The following ERC2 variants were observed in gnomAD, a reference collection of about 807,000 sequenced individuals.
ERC2 encodes the protein ELKS/RAB6-interacting/CAST family member 2.
Under a neutral mutation model 114.8 loss-of-function variants are expected in ERC2, and 42 were observed. That is an observed-to-expected ratio of 0.37 (90% CI 0.29 to 0.47). The LOEUF is 0.47. ERC2 is among the 20% of genes least tolerant of loss of function. ERC2 has a pLI of 0.99. For synonymous variants in ERC2, 454 were observed against 425.5 expected, an observed-to-expected ratio of 1.07 and a Z score of -0.82; for missense variants, 939 against 1,150.7, an observed-to-expected ratio of 0.82 and a Z score of 2.66.
At chr3:56,232,337 A>C (rs901828106) in intron 3 of ERC2, among the ~76,000 whole-genome samples, 2 of 152,070 alleles carry the variant, frequency 1.3e-5, no homozygotes, top group African/African-American at 4.8e-5. Context: ...AAATAAAAAT[A>C]AATATATAAA....
intron 4 of ERC2, among the ~76,000 whole-genome samples, chr3:56,164,241 G>T (rs1192373683): frequency 6.6e-6 from 1 of 151,894 alleles, no homozygotes; most frequent in Non-Finnish European, 1.5e-5. Context: ...GTACACATTA[G>T]CAGTAACTCT....
intron 3 of ERC2, among the ~76,000 whole-genome samples, chr3:56,219,105 G>T (rs2049717875): frequency 6.6e-6 from 1 of 151,972 alleles, no homozygotes; most frequent in Non-Finnish European, 1.5e-5. Context: ...CCTGCAAGTT[G>T]TGCACATGTA....
chr3:56,218,238 C>T (rs562440362), intron 3 of ERC2, among the ~76,000 whole-genome samples: 1 of 152,276 alleles, frequency 6.6e-6, no homozygotes, highest in East Asian at 1.9e-4. Context: ...GCAATCTACT[C>T]ATCTGACAAA....
chr3:55,995,127 G>A (rs1290425215), intron 10 of ERC2, among the ~76,000 whole-genome samples: 1 of 152,190 alleles, frequency 6.6e-6, no homozygotes, highest in Non-Finnish European at 1.5e-5. Context: ...AAGGTCAAGA[G>A]ATCGAGACCA....
At chr3:56,426,683 C>A (rs549775610) in intron 2 of ERC2, among the ~76,000 whole-genome samples, 60 of 152,286 alleles carry the variant, frequency 3.9e-4, no homozygotes, top group African/African-American at 1.4e-3. Context: ...AGCTGCTGTT[C>A]TGAGGAGAAG....
At chr3:55,986,088 C>A in intron 11 of ERC2, 100 bp from the exon 12 acceptor site, 1 of 1,131,172 alleles carries the variant, frequency 8.8e-7, no homozygotes, top group Non-Finnish European at 1.3e-6. Context: ...TAGTTTTAAA[C>A]ATATAGCCAA....
At chr3:55,735,566 A>C (rs988973903) in intron 14 of ERC2, among the ~76,000 whole-genome samples, 1 of 152,194 alleles carries the variant, frequency 6.6e-6, no homozygotes, top group African/African-American at 2.4e-5. Context: ...TAATTAGTCC[A>C]TTTGTGAGGG....
chr3:55,800,686 A>G (rs2070977361), intron 14 of ERC2, among the ~76,000 whole-genome samples: 1 of 151,988 alleles, frequency 6.6e-6, no homozygotes, highest in Non-Finnish European at 1.5e-5. Context: ...ACGGCACTAG[A>G]TATTGTCCAT....
intron 17 of ERC2, among the ~76,000 whole-genome samples, chr3:55,526,215 G>A (rs1228072342): frequency 6.6e-6 from 1 of 152,162 alleles, no homozygotes; most frequent in Non-Finnish European, 1.5e-5. Flanking sequence ...CTTCGAAGAG[G>A]GAATGGCCCT....
chr3:56,036,201 G>A (rs1576651298), intron 7 of ERC2, among the ~76,000 whole-genome samples: 1 of 152,290 alleles, frequency 6.6e-6, no homozygotes, highest in East Asian at 1.9e-4. Flanking sequence ...TAAGATGAAT[G>A]TGCCTCAACA....
At chr3:55,558,510 C>G (rs756243473) in intron 17 of ERC2, among the ~76,000 whole-genome samples, 1 of 152,212 alleles carries the variant, frequency 6.6e-6, no homozygotes, top group Non-Finnish European at 1.5e-5. Context: ...TCCTCTTTAG[C>G]AATTCATTTC....
At chr3:55,775,389 T>G (rs1575564674) in intron 14 of ERC2, among the ~76,000 whole-genome samples, 1 of 151,916 alleles carries the variant, frequency 6.6e-6, no homozygotes, top group East Asian at 1.9e-4. Context: ...AAAATTAGCC[T>G]GGCGCGGTTG....
intron 6 of ERC2, among the ~76,000 whole-genome samples, chr3:56,081,423 T>C (rs180820841): frequency 1.4e-4 from 21 of 152,142 alleles, no homozygotes; most frequent in Admixed American, 4.6e-4. Flanking sequence ...AGGAACAAGA[T>C]TGACATGTAG....
intron 2 of ERC2, among the ~76,000 whole-genome samples, chr3:56,412,394 A>G (rs2060975339): frequency 6.6e-6 from 1 of 152,330 alleles, no homozygotes; most frequent in Non-Finnish European, 1.5e-5. Flanking sequence ...AACTAATATA[A>G]TGAGTCATGG....
chr3:55,673,366 C>T (rs569473099), intron 17 of ERC2, among the ~76,000 whole-genome samples: 6 of 152,244 alleles, frequency 3.9e-5, no homozygotes, highest in South Asian at 2.1e-4. Flanking sequence ...GGGCAGATCA[C>T]GAGGTCGAGA....
chr3:56,420,668 G>A (rs972398862), intron 2 of ERC2, among the ~76,000 whole-genome samples: 5 of 151,432 alleles, frequency 3.3e-5, no homozygotes, highest in African/African-American at 9.7e-5. Flanking sequence ...GGCAGATCAC[G>A]AGGTCAGGAG....
chr3:55,519,462 T>A (rs1355156715), intron 17 of ERC2, among the ~76,000 whole-genome samples: 1 of 152,212 alleles, frequency 6.6e-6, no homozygotes, highest in African/African-American at 2.4e-5. Flanking sequence ...ATGAAAAAAC[T>A]CACCATTTCC....
chr3:56,255,980 A>G (rs2052488986), intron 3 of ERC2, among the ~76,000 whole-genome samples: 1 of 152,208 alleles, frequency 6.6e-6, no homozygotes, highest in African/African-American at 2.4e-5. Flanking sequence ...AGCTTGAGAC[A>G]CAGCAGGTTA....
intron 7 of ERC2, among the ~76,000 whole-genome samples, chr3:56,040,751 G>T (rs1051905427): frequency 9.4e-5 from 13 of 138,540 alleles, no homozygotes; most frequent in South Asian, 4.8e-4. Context: ...TATAGAGAGA[G>T]ATATAGATAC....
Sources: allele counts gnomAD v4.1 joint callset (sites outside exome capture counted in the v4.1 genomes callset), GRCh38; gene constraint gnomAD v4.1.1; transcripts MANE v1.5; gene names NCBI Gene and HGNC (gene_info 2026-07-23, HGNC 2026-07-21).